CAMSAP2: variants seen among roughly 807,000 people sequenced by gnomAD.
CAMSAP2 encodes the protein calmodulin regulated spectrin associated protein family member 2, also known as calmodulin-regulated spectrin-associated protein 2.
A neutral mutation model predicts 146.1 loss-of-function variants in CAMSAP2; 26 were observed. The observed-to-expected ratio is 0.18, with a 90% CI of 0.13 to 0.25. The LOEUF (loss-of-function observed/expected upper bound fraction) is 0.25. CAMSAP2 is among the 10% of genes least tolerant of loss of function. The pLI is 1.00. For missense variants in CAMSAP2, 1,381 were observed against 1,759.3 expected (o/e 0.78, Z 3.85); for synonymous variants, 499 against 596.6 (o/e 0.84, Z 2.38).
At chr1:200,777,119 C>G (rs1665303430) in intron 2 of CAMSAP2, among the ~76,000 whole-genome samples, 2 of 152,160 alleles carry the variant, frequency 1.3e-5, no homozygotes, top group South Asian at 4.1e-4. Context: ...ATCAACACTG[C>G]AGCCATATGG....
At chr1:200,751,362 A>G (rs1363330967) in intron 1 of CAMSAP2, among the ~76,000 whole-genome samples, 8 of 151,728 alleles carry the variant, frequency 5.3e-5, no homozygotes, top group Admixed American at 5.3e-4. Context: ...TCCTGAACAT[A>G]ATCTCATTTA....
intron 3 of CAMSAP2, among the ~76,000 whole-genome samples, chr1:200,814,131 C>CGGGGGGGGGGGTGGGCA (rs1325891199): frequency 7.0e-5 from 1 of 14,302 alleles, no homozygotes; most frequent in African/African-American, 2.4e-4. Context: ...AAAAAGGTGG[C>CGGGGGGGGGGGTGGGCA]GGGGGGAGGG....
At chr1:200,800,656 C>T (rs1666010054) in intron 2 of CAMSAP2, among the ~76,000 whole-genome samples, 1 of 152,096 alleles carries the variant, frequency 6.6e-6, no homozygotes, top group Admixed American at 6.5e-5. Context: ...GCATTTAGCC[C>T]ATTTACATTT....
chr1:200,769,448 A>G (rs1390720341), intron 2 of CAMSAP2, among the ~76,000 whole-genome samples: 1 of 152,096 alleles, frequency 6.6e-6, no homozygotes, highest in South Asian at 2.1e-4. Context: ...AACATTATCT[A>G]CCTGGAGATA....
rs1374504438 is a variant in CAMSAP2 at position 200,847,684 on chromosome 1, A to G, written c.1237A>G (p.Ile413Val). 11 of 1,612,750 alleles carry G rather than the reference A, an allele frequency of 6.8e-6. No homozygotes were observed. The highest frequency in any genetic ancestry group is 4.4e-5 in the South Asian group (4 of 90,958). The change falls in exon 10 of 17, where the codon ATA becomes GTA. Residue 413 changes from isoleucine (I) to valine (V), a missense_variant. This residue lies in a region of CAMSAP2 where 447 missense variants were observed against 462.2 expected (regional missense o/e 0.97). Transcript: ENST00000358823. ...ATCTATGTCTTATGTTGATGGCTTCATAGGGACATGGCCCAAAGAGAAAAG... is the reference window on the plus strand; with the variant it reads ...ATCTATGTCTTATGTTGATGGCTTCGTAGGGACATGGCCCAAAGAGAAAAG... ...SSSMSYVDGFIGTWPKEKRSS... is the reference protein window; with the variant it reads ...SSSMSYVDGFVGTWPKEKRSS...
At chr1:200,847,412 TTTTTG>T in intron 9 of CAMSAP2, 120 bp downstream of exon 9, 2 of 776,158 alleles carry the variant, frequency 2.6e-6, no homozygotes, top group Non-Finnish European at 4.1e-6. Flanking sequence ...TGTGTGTGTT[TTTTTG>T]TTTGTTTGTT....
At chr1:200,846,522 T>C (rs906297016) in intron 8 of CAMSAP2, among the ~76,000 whole-genome samples, 4 of 152,204 alleles carry the variant, frequency 2.6e-5, no homozygotes, top group Admixed American at 2.6e-4. Context: ...CTTGAAAAGT[T>C]ATTGTGTAGC....
intron 4 of CAMSAP2, among the ~76,000 whole-genome samples, chr1:200,826,356 TGGGAGGCAGA>T (rs1228403158): frequency 6.6e-6 from 1 of 151,122 alleles, no homozygotes; most frequent in African/African-American, 2.4e-5. Flanking sequence ...TGCTTGAACC[TGGGAGGCAGA>T]GGTTGCAGTG....
intron 2 of CAMSAP2, among the ~76,000 whole-genome samples, chr1:200,789,389 T>A (rs991447721): frequency 6.6e-6 from 1 of 152,198 alleles, no homozygotes; most frequent in Non-Finnish European, 1.5e-5. Flanking sequence ...CTTTTTTTTT[T>A]CATGTGGATG....
Position 200,832,099 on chromosome 1 carries a change from G to T in CAMSAP2, c.646-101G>T. On this transcript the variant is annotated intron_variant, in intron 4 of 16. Coordinates refer to ENST00000358823, the MANE Select transcript of CAMSAP2 (RefSeq NM_203459.4). This position sits in a 1 kb window ranked among gnomAD's most constrained non-coding sequence, Gnocchi z 4.2. ...ATTGGTGAGTGGTCTCATTTCTCAT[G>T]ATTTATTTTATTACTGGTACATTAG... 1 of 937,036 alleles carries T rather than the reference G, an allele frequency of 1.1e-6. No homozygotes were observed. The allele number at this position is 937,036 out of a possible 1,614,324, so 58.0% of individuals were successfully genotyped here.
intron 3 of CAMSAP2, among the ~76,000 whole-genome samples, chr1:200,814,505 G>A (rs1349112677): frequency 1.3e-5 from 2 of 150,594 alleles, no homozygotes; most frequent in African/African-American, 4.9e-5. Flanking sequence ...AGTTACTCAG[G>A]AGGTTGAGGC....
intron 2 of CAMSAP2, among the ~76,000 whole-genome samples, chr1:200,775,996 A>T (rs954244873): frequency 2.6e-5 from 4 of 152,132 alleles, no homozygotes; most frequent in African/African-American, 9.7e-5. Context: ...ACAAAAAAAA[A>T]AAGAAAAGAA....
intron 2 of CAMSAP2, among the ~76,000 whole-genome samples, chr1:200,792,264 G>A (rs1294593326): frequency 6.6e-6 from 1 of 152,132 alleles, no homozygotes; most frequent in Non-Finnish European, 1.5e-5. Context: ...TGAAATAATT[G>A]TTGTCTTAAG....
chr1:200,761,507 G>A (rs6427856), intron 2 of CAMSAP2, among the ~76,000 whole-genome samples: 20,427 of 152,074 alleles, frequency 0.13, 1,429 homozygotes, highest in East Asian at 0.17. Context: ...AGGCCGAGGC[G>A]GGCAGATCAC....
At chr1:200,839,038 C>T (rs1667251946) in intron 6 of CAMSAP2, among the ~76,000 whole-genome samples, 1 of 152,092 alleles carries the variant, frequency 6.6e-6, no homozygotes, top group Non-Finnish European at 1.5e-5. Flanking sequence ...TGGACATAGG[C>T]CTTTGAGATA....
chr1:200,850,268 TC>T, intron 11 of CAMSAP2, 34 bp downstream of exon 11: 1 of 1,508,986 alleles, frequency 6.6e-7, no homozygotes, highest in Non-Finnish European at 8.9e-7. Flanking sequence ...TTGGGCATCT[TC>T]ATTAGATGAG....
chr1:200,800,395 A>G (rs558107577), intron 2 of CAMSAP2, among the ~76,000 whole-genome samples: 14 of 152,104 alleles, frequency 9.2e-5, no homozygotes, highest in Non-Finnish European at 1.8e-4. Context: ...TTCTTGTTGC[A>G]TTGATCCCTT....
chr1:200,810,857 C>G (rs1013868351), intron 3 of CAMSAP2, among the ~76,000 whole-genome samples: 1 of 152,154 alleles, frequency 6.6e-6, no homozygotes, highest in East Asian at 1.9e-4. Context: ...CCACTGCACA[C>G]CAGCCTGGGC....
intron 6 of CAMSAP2, among the ~76,000 whole-genome samples, chr1:200,837,217 G>A (rs942521312): frequency 6.6e-6 from 1 of 152,006 alleles, no homozygotes; most frequent in African/African-American, 2.4e-5. Flanking sequence ...GGTTTTTATA[G>A]TTTTGGGTTT....
Sources: gnomAD v4.1 joint callset for allele counts (sites outside exome capture counted in the v4.1 genomes callset) on GRCh38, gnomAD v4.1.1 for gene constraint, gnomAD v4.1.1 regional missense constraint, Gnocchi (gnomAD v3.1) non-coding constraint, MANE v1.5 for transcripts, NCBI Gene and HGNC (gene_info 2026-07-23, HGNC 2026-07-21) for gene names.